FOCAD: variants seen among roughly 807,000 people sequenced by gnomAD.
The protein encoded by FOCAD is focadhesin.
FOCAD carries 198 observed loss-of-function variants against 225.6 expected under a neutral mutation model. The ratio of observed to expected loss-of-function variants is 0.88; its 90% CI spans 0.78 to 0.99. The LOEUF (loss-of-function observed/expected upper bound fraction) is 0.99, where lower values mean the gene tolerates loss of function less well. Ranked by LOEUF, FOCAD falls within the 50% of genes least tolerant of loss-of-function variation. The probability of loss-of-function intolerance (pLI) is 0.00; values close to 1 mark genes in which losing one functional copy is unlikely to be tolerated. For synonymous variants in FOCAD, 897 were observed against 755.0 expected (o/e 1.19, Z -3.08); for missense variants, 2,713 against 2,123.6 (o/e 1.28, Z -5.46).
intron 15 of FOCAD, among the ~76,000 whole-genome samples, chr9:20,850,126 T>C (rs922959315): frequency 2.6e-4 from 40 of 151,758 alleles, no homozygotes; most frequent in African/African-American, 9.4e-4. Context: ...AAAAAAACTC[T>C]TAGTCTTATG....
At chr9:20,792,357 A>G (rs1820624469) in intron 11 of FOCAD, among the ~76,000 whole-genome samples, 1 of 152,226 alleles carries the variant, frequency 6.6e-6, no homozygotes, top group Non-Finnish European at 1.5e-5. Context: ...TCTAAATACT[A>G]TGTGTAAGGT....
In FOCAD at chr9:20,976,519, T is replaced by C. The variant is rs1456094620; in HGVS notation, c.4232T>C (p.Leu1411Pro). The C allele has an allele frequency of 1.4e-5, 23 of 1,613,246 alleles. No individual in the cohort carries two copies. The highest frequency in any genetic ancestry group is 2.0e-5 in the Non-Finnish European group (23 of 1,179,330). ...TATCCTCCTGTGAACTGGGCTGCAC[T>C]TCTCTCTCCACTTATGAGGCTAAAT... ...YQYPPVNWAA[L>P]LSPLMRLNFG... Residue 1411 changes from leucine (L) to proline (P), a missense_variant, in exon 36 of 44, where the codon CTT becomes CCT. Coordinates refer to ENST00000338382, the MANE Select transcript of FOCAD (RefSeq NM_001375567.1).
At chr9:20,857,093 A>G (rs1828263182) in intron 15 of FOCAD, among the ~76,000 whole-genome samples, 1 of 152,122 alleles carries the variant, frequency 6.6e-6, no homozygotes. Flanking sequence ...TTCTGTATAA[A>G]TTTTAGCATT....
At chr9:20,796,318 G>A (rs533447061) in intron 11 of FOCAD, among the ~76,000 whole-genome samples, 7 of 152,236 alleles carry the variant, frequency 4.6e-5, no homozygotes, top group South Asian at 4.2e-4. Context: ...ATAAACCTTC[G>A]GGTATATACC....
At chr9:20,967,108 T>G (rs185960854) in intron 35 of FOCAD, among the ~76,000 whole-genome samples, 184 of 152,260 alleles carry the variant, frequency 1.2e-3, no homozygotes, top group African/African-American at 4.2e-3. Context: ...ATGGATCACT[T>G]TGGGTAGTAT....
chr9:20,781,943 C>G lies in FOCAD; in HGVS notation c.1197+14C>G, dbSNP rs746124907. 2.6e-5 allele frequency: 42 copies of G among 1,608,398 alleles called. No homozygotes were observed. The African/African-American group carries it at 5.1e-4, about 19-fold the overall frequency. On this transcript the variant is annotated intron_variant, in intron 10 of 43. Coordinates refer to ENST00000338382, the MANE Select transcript of FOCAD (RefSeq NM_001375567.1). Reference sequence around the variant, plus strand: ...GACCACCAAAAGGTAATGAATCTATCCTTGTTTCTCTTAAATAAAGTGTCG... The same window carrying G: ...GACCACCAAAAGGTAATGAATCTATGCTTGTTTCTCTTAAATAAAGTGTCG...
intron 1 of FOCAD, among the ~76,000 whole-genome samples, chr9:20,712,343 G>A (rs949164435): frequency 6.6e-6 from 1 of 152,136 alleles, no homozygotes; most frequent in African/African-American, 2.4e-5. Context: ...GTGTAAAATG[G>A]CCAAAGGAAT....
At chr9:20,756,909 T>G (rs867321307) in intron 5 of FOCAD, among the ~76,000 whole-genome samples, 3 of 152,228 alleles carry the variant, frequency 2.0e-5, no homozygotes, top group African/African-American at 4.8e-5. Flanking sequence ...CTGTATTGTT[T>G]GCATGTTTTT....
chr9:20,848,491 T>G lies in FOCAD; in HGVS notation c.1921-14087T>G, dbSNP rs111920956. Reference sequence around the variant, plus strand: ...TTATTGCTGGCTTTGGGGAAAAGGGTTCTGGTTTCCATGGGATTCTAGTTT... The same window carrying G: ...TTATTGCTGGCTTTGGGGAAAAGGGGTCTGGTTTCCATGGGATTCTAGTTT... On this transcript the variant is annotated intron_variant, in intron 15 of 43. Transcript: ENST00000338382. Among the ~76,000 whole-genome samples the G allele has an allele frequency of 6.6e-3, 1,006 of 151,978 alleles. 11 individuals are homozygous for G. Among genetic ancestry groups the G allele is most frequent in the African/African-American group, 0.023 (948 of 41,492 alleles).
At chr9:20,923,803 T>G in intron 25 of FOCAD, 35 bp downstream of exon 25, 1 of 1,522,686 alleles carries the variant, frequency 6.6e-7, no homozygotes. Flanking sequence ...TGGCTTTGAT[T>G]ATGTCTTTTT....
chr9:20,789,455 G>A lies in FOCAD; in HGVS notation c.1302G>A (p.Trp434Ter). The A allele has an allele frequency of 6.2e-7, 1 of 1,613,968 alleles. No homozygotes were observed. The highest frequency in any genetic ancestry group is 1.1e-5 in the South Asian group (1 of 91,066). Residue 434 changes from tryptophan to a stop codon, truncating the protein, a stop_gained, in exon 11 of 44, where the codon TGG becomes TGA. Transcript: ENST00000338382. LOFTEE classifies it high-confidence loss of function. ...CAGACTCGTCTGCTGCAAGTGACTG[G>A]TTGGCTTCAGTAGAGTCATTGCTTC... ...VMTDSSAASD[W>*]LASVESLLPI... is the part of the protein sequence containing the mutation.
chr9:20,763,090 A>C (rs747541993), intron 6 of FOCAD, among the ~76,000 whole-genome samples: 1 of 152,232 alleles, frequency 6.6e-6, no homozygotes, highest in South Asian at 2.1e-4. Context: ...TTATCTAATC[A>C]TTCCTTATAT....
intron 28 of FOCAD, among the ~76,000 whole-genome samples, chr9:20,944,063 A>G (rs1836930962): frequency 6.6e-6 from 1 of 152,244 alleles, no homozygotes; most frequent in Non-Finnish European, 1.5e-5. Flanking sequence ...AGAAGGATTA[A>G]TGTCATTGTG....
intron 8 of FOCAD, among the ~76,000 whole-genome samples, chr9:20,774,791 G>C (rs2131042819): frequency 6.6e-6 from 1 of 152,214 alleles, no homozygotes; most frequent in South Asian, 2.1e-4. Context: ...TTTTTGGTGA[G>C]GGAAGGTCCT....
intron 20 of FOCAD, among the ~76,000 whole-genome samples, chr9:20,884,292 C>T (rs915232546): frequency 1.3e-5 from 2 of 151,804 alleles, no homozygotes; most frequent in African/African-American, 2.4e-5. Flanking sequence ...AAGTAATATA[C>T]TATATTATAT....
intron 11 of FOCAD, among the ~76,000 whole-genome samples, chr9:20,816,100 C>A (rs1471157769): frequency 6.6e-6 from 1 of 152,038 alleles, no homozygotes; most frequent in Non-Finnish European, 1.5e-5. Context: ...AAAAGACACA[C>A]CCTTACGTGC....
At chr9:20,658,291 T>A (rs1821582201), upstream of FOCAD, 1 of 158,906 alleles carries the variant, frequency 6.3e-6, no homozygotes, top group South Asian at 1.9e-4. Context: ...CTCCTTGAGC[T>A]GTGGTGGGCT....
chr9:20,824,008 A>G (rs570585438), intron 15 of FOCAD, among the ~76,000 whole-genome samples: 1 of 152,222 alleles, frequency 6.6e-6, no homozygotes, highest in East Asian at 1.9e-4. Context: ...ATGAGAATAC[A>G]CTTCTATTAT....
At chr9:20,884,962 G>C (rs1161010132) in intron 20 of FOCAD, 147 bp from the exon 21 acceptor site, 1 of 253,018 alleles carries the variant, frequency 4.0e-6, no homozygotes, top group Non-Finnish European at 6.8e-6. Flanking sequence ...AGGAGGCTGA[G>C]GCAGAAGAAT....
Sources: gnomAD v4.1 joint callset for allele counts (sites outside exome capture counted in the v4.1 genomes callset) on GRCh38, gnomAD v4.1.1 for gene constraint, MANE v1.5 for transcripts, NCBI Gene and HGNC (gene_info 2026-07-23, HGNC 2026-07-21) for gene names.